TOPBP1: variants seen among roughly 807,000 people sequenced by gnomAD.
TOPBP1 encodes DNA topoisomerase 2-binding protein 1.
A neutral mutation model predicts 167.7 loss-of-function variants in TOPBP1; 28 were observed. The ratio of observed to expected loss-of-function variants is 0.17; its 90% CI spans 0.12 to 0.23. The LOEUF is 0.23. Among genes scored for constraint, TOPBP1 ranks in the 10% least tolerant of loss-of-function variants. TOPBP1 has a pLI of 1.00. For synonymous variants in TOPBP1, 598 were observed against 611.4 expected (o/e 0.98, Z 0.32); for missense variants, 1,554 against 1,809.6 (o/e 0.86, Z 2.56).
At chr3:133,640,702 C>T (rs115975650) in intron 12 of TOPBP1, among the ~76,000 whole-genome samples, 9,168 of 152,208 alleles carry the variant, frequency 0.06, 305 homozygotes, top group Middle Eastern at 0.12. Context: ...AACCACCTCA[C>T]ACAGCCAAAA....
At chr3:133,645,037 G>T (rs1006131649) in intron 10 of TOPBP1, among the ~76,000 whole-genome samples, 4 of 152,160 alleles carry the variant, frequency 2.6e-5, no homozygotes, top group African/African-American at 9.7e-5. Flanking sequence ...ACTTGCCTAA[G>T]GTCACACAGT....
At chr3:133,648,740 G>A (rs911812951) in intron 10 of TOPBP1, among the ~76,000 whole-genome samples, 6 of 152,060 alleles carry the variant, frequency 3.9e-5, no homozygotes, top group Admixed American at 3.9e-4. Flanking sequence ...AGAGGTTGCA[G>A]TGAGCTGAGA....
At chr3:133,606,281 TTTA>T (rs1367244873) in intron 27 of TOPBP1, among the ~76,000 whole-genome samples, 2 of 152,144 alleles carry the variant, frequency 1.3e-5, no homozygotes, top group Non-Finnish European at 2.9e-5. Context: ...GAAATTTTTA[TTTA>T]CAATAGCATC....
intron 14 of TOPBP1, among the ~76,000 whole-genome samples, chr3:133,632,470 A>C (rs985584412): frequency 1.3e-5 from 2 of 152,204 alleles, no homozygotes; most frequent in Admixed American, 1.3e-4. Flanking sequence ...AGCAATGTGC[A>C]AACAGATTAA....
intron 14 of TOPBP1, among the ~76,000 whole-genome samples, chr3:133,633,569 T>C (rs531920228): frequency 1.2e-4 from 18 of 152,166 alleles, no homozygotes; most frequent in African/African-American, 2.9e-4. Flanking sequence ...GGCAGGAGGA[T>C]TGCTCAAGTC....
At chr3:133,649,025 G>T (rs560445107) in intron 10 of TOPBP1, among the ~76,000 whole-genome samples, 1 of 152,160 alleles carries the variant, frequency 6.6e-6, no homozygotes, top group East Asian at 1.9e-4. Flanking sequence ...ACATACTGAG[G>T]TGGTAGTCCA....
chr3:133,609,554 G>A (rs1274819090), intron 25 of TOPBP1, among the ~76,000 whole-genome samples: 1 of 152,144 alleles, frequency 6.6e-6, no homozygotes, highest in Non-Finnish European at 1.5e-5. Flanking sequence ...TCCAAGTGTT[G>A]GGGGAGGGAC....
chr3:133,620,012 A>G, intron 20 of TOPBP1, 143 bp downstream of exon 20: 8 of 822,706 alleles, frequency 9.7e-6, no homozygotes, highest in Non-Finnish European at 1.5e-5. Flanking sequence ...TTGATATTTA[A>G]ATTTCAGCTT....
chr3:133,646,103 C>T (rs56394911), intron 10 of TOPBP1, among the ~76,000 whole-genome samples: 2,289 of 151,720 alleles, frequency 0.015, 68 homozygotes, highest in African/African-American at 0.052. Context: ...GCCAAGACCA[C>T]GCCACTGCAC....
At chr3:133,643,948 G>A in intron 11 of TOPBP1, 72 bp downstream of exon 11, 1 of 1,424,892 alleles carries the variant, frequency 7.0e-7, no homozygotes, top group East Asian at 2.3e-5. Flanking sequence ...AACTGTCTAA[G>A]AAATAAACAT....
chr3:133,606,488 T>C (rs1435804269), intron 27 of TOPBP1, among the ~76,000 whole-genome samples: 1 of 145,828 alleles, frequency 6.9e-6, no homozygotes, highest in Non-Finnish European at 1.5e-5. Context: ...TCTTAACCAC[T>C]CTAGGCCTTT....
intron 14 of TOPBP1, among the ~76,000 whole-genome samples, chr3:133,631,378 T>C (rs6767770): frequency 0.88 from 134,489 of 152,248 alleles, 59,500 homozygotes; most frequent in East Asian, 0.97. Flanking sequence ...CACCACACTG[T>C]TTTAACTACT....
intron 14 of TOPBP1, 99 bp from the exon 15 acceptor site, chr3:133,628,832 G>C (rs1036402261): frequency 6.4e-6 from 8 of 1,242,012 alleles, no homozygotes; most frequent in Admixed American, 5.5e-5. Flanking sequence ...GAGGAGAGAG[G>C]GGTAAAGAGA....
rs776423630 is a variant in TOPBP1, at chr3:133,608,942, C to T, written c.4194G>A (p.Lys1398=). 124 of 1,612,504 alleles carry T rather than the reference C, an allele frequency of 7.7e-5. No individual in the cohort carries two copies. The highest frequency in any genetic ancestry group is 1.6e-4 in the Middle Eastern group (1 of 6,076). Residue 1398 remains lysine (K), a synonymous_variant, in exon 26 of 28, where the codon AAG becomes AAA. Coordinates refer to ENST00000260810, the MANE Select transcript of TOPBP1 (RefSeq NM_007027.4). ...GAGACTGATCCACATGTAAAATAACCTTCCACCCACTAAATGCTCCCTACA... is the reference window on the plus strand; with the variant it reads ...GAGACTGATCCACATGTAAAATAACTTTCCACCCACTAAATGCTCCCTACA... The part of the protein sequence containing the change: ...GIVEGAFSGW[K]VILHVDQSRE...
intron 27 of TOPBP1, among the ~76,000 whole-genome samples, chr3:133,601,882 G>C (rs1653899233): frequency 1.3e-5 from 2 of 152,102 alleles, no homozygotes. Flanking sequence ...ACCTGAAAAT[G>C]AATCACCACA....
chr3:133,628,854 G>T, intron 14 of TOPBP1, 121 bp from the exon 15 acceptor site: 3 of 962,700 alleles, frequency 3.1e-6, no homozygotes, highest in Non-Finnish European at 3.0e-6. Flanking sequence ...AGAAGGGGGA[G>T]AATCCTCAAA....
intron 10 of TOPBP1, among the ~76,000 whole-genome samples, chr3:133,647,930 G>A (rs1936137185): frequency 6.6e-6 from 1 of 152,120 alleles, no homozygotes; most frequent in Non-Finnish European, 1.5e-5. Context: ...TATAGAGAAT[G>A]GGGGAGAGGC....
At chr3:133,653,631 T>C (rs543815347) in intron 6 of TOPBP1, 107 bp from the exon 7 acceptor site, 13 of 647,526 alleles carry the variant, frequency 2.0e-5, no homozygotes, top group African/African-American at 1.9e-4. Flanking sequence ...AGGTTAATAT[T>C]TTTTTTTTTT....
intron 8 of TOPBP1, among the ~76,000 whole-genome samples, chr3:133,650,360 T>TTG (rs1936245011): frequency 1.3e-5 from 1 of 77,608 alleles, no homozygotes; most frequent in Non-Finnish European, 2.6e-5. Flanking sequence ...AAATTGTGTG[T>TTG]GTGTGGGGGG....
Sources: allele counts gnomAD v4.1 joint callset (sites outside exome capture counted in the v4.1 genomes callset), GRCh38; gene constraint gnomAD v4.1.1; transcripts MANE v1.5; gene names NCBI Gene and HGNC (gene_info 2026-07-23, HGNC 2026-07-21).